Variants in NARS2 observed in about 807,000 individuals in gnomAD.
NARS2 encodes asparaginyl-tRNA synthetase 2, mitochondrial, also known as asparaginyl-tRNA synthetase.
NARS2 carries 60 observed loss-of-function variants against 62.9 expected under a neutral mutation model. The ratio of observed to expected loss-of-function variants is 0.95; its 90% CI spans 0.77 to 1.18. NARS2 has a LOEUF of 1.18. NARS2 is among the 50% of genes most tolerant of loss of function. The pLI is 0.00. For synonymous variants in NARS2, 196 were observed against 200.0 expected (o/e 0.98, Z 0.17); for missense variants, 619 against 576.4 (o/e 1.07, Z -0.76).
intron 6 of NARS2, among the ~76,000 whole-genome samples, chr11:78,521,586 C>T (rs145073981): frequency 0.046 from 6,922 of 152,070 alleles, 541 homozygotes; most frequent in African/African-American, 0.16. Context: ...GTCAGGAGAT[C>T]GAGACCATCC....
intron 11 of NARS2, among the ~76,000 whole-genome samples, chr11:78,454,551 G>A (rs911270059): frequency 2.0e-5 from 3 of 151,794 alleles, no homozygotes; most frequent in African/African-American, 7.3e-5. Context: ...AGAAGTTGAT[G>A]CCATTCTTGT....
At chr11:78,573,916 T>C (rs1011250911) in intron 1 of NARS2, among the ~76,000 whole-genome samples, 4 of 152,146 alleles carry the variant, frequency 2.6e-5, no homozygotes, top group African/African-American at 9.7e-5. Flanking sequence ...GGCACTGAGG[T>C]CGCTAAAAGT....
chr11:78,468,039 G>GA (rs779408846), intron 10 of NARS2, among the ~76,000 whole-genome samples: 3,997 of 85,958 alleles, frequency 0.046, 189 homozygotes, highest in African/African-American at 0.13. Context: ...AGTAAGTATT[G>GA]AAAAAAAAAA....
chr11:78,470,772 AG>A lies in NARS2; in HGVS notation c.960-1460del, dbSNP rs201923910. Among the ~76,000 whole-genome samples the A allele has an allele frequency of 7.4e-3, 1,133 of 152,242 alleles. 10 individuals are homozygous for A. The highest frequency in any genetic ancestry group is 0.017 in the Middle Eastern group (5 of 294). ...ATTTGCAATTTTTATATTTTCTGAA[AG>A]GTTTTGCCAAAGATATTGCCCCCTT... On this transcript the variant is annotated intron_variant, in intron 9 of 13. Transcript: ENST00000281038.
intron 5 of NARS2, among the ~76,000 whole-genome samples, chr11:78,554,379 T>C (rs1310849643): frequency 6.6e-6 from 1 of 152,254 alleles, no homozygotes; most frequent in African/African-American, 2.4e-5. Context: ...ATATTGATTC[T>C]TCCTACCCAT....
chr11:78,478,550 T>A, intron 8 of NARS2, 35 bp downstream of exon 8: 1 of 1,386,278 alleles, frequency 7.2e-7, no homozygotes, highest in Non-Finnish European at 1.0e-6. Context: ...CATTAAACAG[T>A]AGATGTATTG....
intron 11 of NARS2, among the ~76,000 whole-genome samples, chr11:78,458,135 C>T (rs1858240004): frequency 6.6e-6 from 1 of 151,946 alleles, no homozygotes; most frequent in African/African-American, 2.4e-5. Flanking sequence ...ATGTTCACAA[C>T]ACAAAGAAAT....
chr11:78,482,971 A>T (rs1174037771), intron 7 of NARS2, among the ~76,000 whole-genome samples: 1 of 152,242 alleles, frequency 6.6e-6, no homozygotes, highest in Admixed American at 6.5e-5. Flanking sequence ...CCTGATGAAC[A>T]TCAATACGAA....
At chr11:78,445,349 G>A (rs1032101220) in intron 11 of NARS2, among the ~76,000 whole-genome samples, 8 of 152,060 alleles carry the variant, frequency 5.3e-5, no homozygotes, top group African/African-American at 9.7e-5. Flanking sequence ...GGCCGGGTGC[G>A]GTGGCTTACG....
At chr11:78,437,612 A>G (rs1234064531) in intron 13 of NARS2, among the ~76,000 whole-genome samples, 1 of 152,214 alleles carries the variant, frequency 6.6e-6, no homozygotes, top group Non-Finnish European at 1.5e-5. Context: ...AGAAAAGAGG[A>G]AAAGGGCAAC....
intron 10 of NARS2, among the ~76,000 whole-genome samples, chr11:78,468,662 CCAA>C (rs1858736748): frequency 6.6e-6 from 1 of 152,038 alleles, no homozygotes; most frequent in African/African-American, 2.4e-5. Context: ...CCTCAGCCTC[CCAA>C]AGTACTGGGA....
chr11:78,504,378 T>G (rs546435869), intron 6 of NARS2, among the ~76,000 whole-genome samples: 4 of 151,734 alleles, frequency 2.6e-5, no homozygotes, highest in Non-Finnish European at 5.9e-5. Flanking sequence ...TAAAGATCTA[T>G]GTGACACATG....
intron 6 of NARS2, among the ~76,000 whole-genome samples, chr11:78,507,284 GA>G (rs1199877965): frequency 6.6e-6 from 1 of 151,882 alleles, no homozygotes; most frequent in African/African-American, 2.4e-5. Context: ...CATATATGGG[GA>G]AAATGAGAAA....
At chr11:78,551,703 T>C (rs1856122656) in intron 5 of NARS2, among the ~76,000 whole-genome samples, 1 of 151,588 alleles carries the variant, frequency 6.6e-6, no homozygotes, top group Non-Finnish European at 1.5e-5. Context: ...ATACAAAAAT[T>C]AGCCGGGCGT....
intron 4 of NARS2, among the ~76,000 whole-genome samples, chr11:78,560,106 T>C (rs1856506873): frequency 6.6e-6 from 1 of 152,192 alleles, no homozygotes; most frequent in Admixed American, 6.5e-5. Context: ...TCTTGAAATA[T>C]GACCTCAATT....
intron 6 of NARS2, among the ~76,000 whole-genome samples, chr11:78,517,667 C>A (rs1023671271): frequency 1.3e-5 from 2 of 152,186 alleles, no homozygotes; most frequent in South Asian, 2.1e-4. Flanking sequence ...TGATACCCAA[C>A]CCCTGGTTAA....
At chr11:78,445,551 G>C (rs1004584559) in intron 11 of NARS2, among the ~76,000 whole-genome samples, 2 of 152,204 alleles carry the variant, frequency 1.3e-5, no homozygotes, top group African/African-American at 4.8e-5. Flanking sequence ...GAACTTATGA[G>C]GCGGAGGTTG....
chr11:78,479,839 GA>G (rs1859271572), intron 7 of NARS2, among the ~76,000 whole-genome samples: 1 of 152,164 alleles, frequency 6.6e-6, no homozygotes, highest in African/African-American at 2.4e-5. Flanking sequence ...CCAGATATAG[GA>G]AAACACTTAA....
At chr11:78,500,907 C>T (rs1230394941) in intron 6 of NARS2, among the ~76,000 whole-genome samples, 2 of 152,108 alleles carry the variant, frequency 1.3e-5, no homozygotes, top group East Asian at 3.9e-4. Context: ...GCCTGGGCAA[C>T]ATGGTGAAAC....
Sources: gnomAD v4.1 joint callset for allele counts (sites outside exome capture counted in the v4.1 genomes callset) on GRCh38, gnomAD v4.1.1 for gene constraint, MANE v1.5 for transcripts, NCBI Gene and HGNC (gene_info 2026-07-23, HGNC 2026-07-21) for gene names.